LUZP2: variants seen among roughly 807,000 people sequenced by gnomAD.
LUZP2 encodes leucine zipper protein 2.
LUZP2 carries 52 observed loss-of-function variants against 51.6 expected under a neutral mutation model. That is an observed-to-expected ratio of 1.01 (90% CI 0.81 to 1.27). LUZP2 has a LOEUF of 1.27. Among genes scored for constraint, LUZP2 ranks in the 50% most tolerant of loss-of-function variants. The pLI is 0.00. For missense variants in LUZP2, 436 were observed against 395.4 expected (o/e 1.10, Z -0.87); for synonymous variants, 154 against 137.3 (o/e 1.12, Z -0.85).
chr11:24,833,702 C>CCA (rs139583528), intron 5 of LUZP2, among the ~76,000 whole-genome samples: 81,471 of 129,498 alleles, frequency 0.63, 23,198 homozygotes, highest in Middle Eastern at 0.73. Flanking sequence ...ACGCCTGCCA[C>CCA]CGCGCGCGCG....
intron 9 of LUZP2, among the ~76,000 whole-genome samples, chr11:25,040,343 A>ATTTTTTTTTGTTTT (rs1858012561): frequency 1.0e-5 from 1 of 98,828 alleles, no homozygotes; most frequent in Non-Finnish European, 1.8e-5. Flanking sequence ...TTTCTTTCCG[A>ATTTTTTTTTGTTTT]TTTTTTTTTT....
intron 1 of LUZP2, among the ~76,000 whole-genome samples, chr11:24,589,720 A>G (rs1387677867): frequency 3.9e-5 from 6 of 152,178 alleles, no homozygotes; most frequent in African/African-American, 1.4e-4. Flanking sequence ...AAGTCAGGCC[A>G]CTGCTTGAAA....
intron 1 of LUZP2, among the ~76,000 whole-genome samples, chr11:24,643,792 A>G (rs554005248): frequency 6.6e-6 from 1 of 152,318 alleles, no homozygotes; most frequent in South Asian, 2.1e-4. Flanking sequence ...AATAGTTTGT[A>G]CACTATCTTT....
At chr11:24,620,698 A>C (rs2133905333) in intron 1 of LUZP2, among the ~76,000 whole-genome samples, 1 of 152,306 alleles carries the variant, frequency 6.6e-6, no homozygotes, top group Non-Finnish European at 1.5e-5. Flanking sequence ...CTGCAAAGTA[A>C]GTCCTGTGAG....
In LUZP2 at chr11:24,588,296, C is replaced by T. The variant is rs1358005043; in HGVS notation, c.62+90991C>T. 1.3e-5 allele frequency among the ~76,000 whole-genome samples: 2 copies of T among 152,032 alleles called. 1 individual carries two copies. Among genetic ancestry groups the T allele is most frequent in the East Asian group, 3.9e-4 (2 of 5,178 alleles). On this transcript the variant is annotated intron_variant, in intron 1 of 11. Transcript: ENST00000336930. ...GAATTAAAGAAGTAAATGAGAGCCT[C>T]CTGCTTGTCAGTGAATTATAAATCT... is the stretch of plus-strand genomic sequence containing the variant.
At chr11:24,753,827 T>C (rs1859677798) in intron 4 of LUZP2, among the ~76,000 whole-genome samples, 1 of 152,168 alleles carries the variant, frequency 6.6e-6, no homozygotes, top group African/African-American at 2.4e-5. Context: ...TCTTCATTAA[T>C]CAGTATAGCC....
chr11:24,559,228 A>C (rs2133767544), intron 1 of LUZP2, among the ~76,000 whole-genome samples: 1 of 152,304 alleles, frequency 6.6e-6, no homozygotes, highest in Non-Finnish European at 1.5e-5. Flanking sequence ...GTAGATTTGT[A>C]AAAATTTTGT....
intron 9 of LUZP2, among the ~76,000 whole-genome samples, chr11:24,987,924 T>C (rs1008696085): frequency 6.6e-6 from 1 of 151,988 alleles, no homozygotes; most frequent in Non-Finnish European, 1.5e-5. Flanking sequence ...GTGTCAATAC[T>C]CCTGATTCTG....
intron 5 of LUZP2, among the ~76,000 whole-genome samples, chr11:24,800,899 A>G (rs1849679736): frequency 6.6e-6 from 1 of 152,122 alleles, no homozygotes; most frequent in African/African-American, 2.4e-5. Context: ...TGTGGCAAAT[A>G]TATGTCCAAA....
intron 5 of LUZP2, among the ~76,000 whole-genome samples, chr11:24,881,348 C>A: frequency 6.6e-6 from 1 of 150,648 alleles, no homozygotes; most frequent in South Asian, 2.1e-4. Context: ...ACAGAACATT[C>A]GTCTTAGCAA....
intron 9 of LUZP2, among the ~76,000 whole-genome samples, chr11:25,034,849 AG>A (rs1307471207): frequency 6.6e-6 from 1 of 152,146 alleles, no homozygotes; most frequent in Non-Finnish European, 1.5e-5. Context: ...CAGGTCAGGT[AG>A]TGTGCTACCT....
chr11:24,869,454 A>G (rs1851991633), intron 5 of LUZP2, among the ~76,000 whole-genome samples: 1 of 111,672 alleles, frequency 9.0e-6, no homozygotes, highest in Non-Finnish European at 2.0e-5. Context: ...TTCCATCATT[A>G]TTATTATTAT....
chr11:24,856,414 AT>A (rs971749359), intron 5 of LUZP2, among the ~76,000 whole-genome samples: 1 of 152,170 alleles, frequency 6.6e-6, no homozygotes, highest in Non-Finnish European at 1.5e-5. Flanking sequence ...AATGGCTATT[AT>A]TAAAAAGTCA....
At chr11:24,512,501 T>C (rs1850341898) in intron 1 of LUZP2, among the ~76,000 whole-genome samples, 1 of 152,168 alleles carries the variant, frequency 6.6e-6, no homozygotes, top group African/African-American at 2.4e-5. Context: ...GAGAACTTCA[T>C]CATAATCATG....
intron 5 of LUZP2, among the ~76,000 whole-genome samples, chr11:24,894,824 C>G (rs1365455450): frequency 6.6e-6 from 1 of 152,110 alleles, no homozygotes; most frequent in Non-Finnish European, 1.5e-5. Context: ...TAACTGGGGG[C>G]AATTGAGAAC....
At chr11:24,622,477 C>T (rs1453980710) in intron 1 of LUZP2, among the ~76,000 whole-genome samples, 1 of 151,920 alleles carries the variant, frequency 6.6e-6, no homozygotes, top group African/African-American at 2.4e-5. Context: ...TCCCAAAGTG[C>T]GGGATTTAAA....
chr11:25,037,662 A>T (rs1273872710), intron 9 of LUZP2, among the ~76,000 whole-genome samples: 1 of 152,138 alleles, frequency 6.6e-6, no homozygotes, highest in East Asian at 1.9e-4. Flanking sequence ...TGGTTAAAAC[A>T]TATTTCCTGT....
At chr11:24,957,590 T>A (rs1051722488) in intron 7 of LUZP2, among the ~76,000 whole-genome samples, 1 of 152,130 alleles carries the variant, frequency 6.6e-6, no homozygotes, top group Non-Finnish European at 1.5e-5. Flanking sequence ...AGTGAGAACG[T>A]GTGGTATTTG....
intron 1 of LUZP2, among the ~76,000 whole-genome samples, chr11:24,651,940 C>T (rs781156006): frequency 1.5e-4 from 23 of 151,952 alleles, no homozygotes; most frequent in East Asian, 1.4e-3. Context: ...GCAATTCCCT[C>T]GGCCAGTTCT....
Sources: allele counts gnomAD v4.1 joint callset (sites outside exome capture counted in the v4.1 genomes callset), GRCh38; gene constraint gnomAD v4.1.1; transcripts MANE v1.5; gene names NCBI Gene and HGNC (gene_info 2026-07-23, HGNC 2026-07-21).